The following SMC3 variants were observed in gnomAD, a reference collection of about 807,000 sequenced individuals.
SMC3 encodes the protein structural maintenance of chromosomes 3, also known as structural maintenance of chromosomes protein 3.
In SMC3, 20 loss-of-function variants were observed where a neutral mutation model predicts 171.8. The observed-to-expected ratio is 0.12, with a 90% CI of 0.08 to 0.17. SMC3 has a LOEUF of 0.17. Among genes scored for constraint, SMC3 ranks in the 10% least tolerant of loss-of-function variants. The pLI is 1.00. For missense variants in SMC3, 543 were observed against 1,420.4 expected (o/e 0.38, Z 9.93); for synonymous variants, 464 against 451.1 (o/e 1.03, Z -0.36).
At chr10:110,604,168 A>G (rs1291981873) in intron 28 of SMC3, 63 bp from the exon 29 acceptor site, 4 of 932,868 alleles carry the variant, frequency 4.3e-6, no homozygotes, top group Non-Finnish European at 7.1e-6. Flanking sequence ...GTATATATTT[A>G]CCCTATACAA....
At chr10:110,577,204 G>A (rs576290537) in intron 4 of SMC3, among the ~76,000 whole-genome samples, 7 of 152,066 alleles carry the variant, frequency 4.6e-5, no homozygotes, top group African/African-American at 1.7e-4. Flanking sequence ...TTTGGCAAGA[G>A]GGATATATAC....
chr10:110,590,909 A>G, intron 16 of SMC3, 82 bp from the exon 17 acceptor site: 1 of 1,247,486 alleles, frequency 8.0e-7, no homozygotes, highest in Non-Finnish European at 1.2e-6. Flanking sequence ...CAGGAGGCTG[A>G]GGTGGGAGGA....
At chr10:110,600,840 T>C (rs934957999) in intron 22 of SMC3, among the ~76,000 whole-genome samples, 182 bp from the exon 23 acceptor site, 1 of 152,228 alleles carries the variant, frequency 6.6e-6, no homozygotes. Flanking sequence ...GTTAGATGCT[T>C]AGAAATTTTC....
intron 1 of SMC3, 47 bp from the exon 2 acceptor site, chr10:110,568,891 A>C: frequency 9.2e-7 from 1 of 1,084,268 alleles, no homozygotes; most frequent in Non-Finnish European, 1.4e-6. Context: ...GAAAAATGTT[A>C]ATTTTTTTTG....
chr10:110,584,605 A>G (rs898456153), intron 13 of SMC3, among the ~76,000 whole-genome samples: 3 of 152,148 alleles, frequency 2.0e-5, no homozygotes, highest in African/African-American at 7.2e-5. Context: ...TATGTAGATT[A>G]AGTATATTAA....
intron 19 of SMC3, 87 bp downstream of exon 19, chr10:110,596,637 A>C: frequency 7.8e-7 from 1 of 1,276,918 alleles, no homozygotes; most frequent in Non-Finnish European, 1.1e-6. Flanking sequence ...GTTTTTTCAC[A>C]TATTAAAAAT....
chr10:110,574,022 C>T (rs1860911662), intron 3 of SMC3, among the ~76,000 whole-genome samples: 1 of 152,014 alleles, frequency 6.6e-6, no homozygotes, highest in Non-Finnish European at 1.5e-5. Flanking sequence ...GCCCTGTCTA[C>T]CTTAGATGGT....
At chr10:110,573,886 G>T in intron 3 of SMC3, 141 bp downstream of exon 3, 1 of 667,298 alleles carries the variant, frequency 1.5e-6, no homozygotes, top group South Asian at 1.7e-5. Flanking sequence ...AGTGTAGAGG[G>T]TTTAGAGTAT....
In SMC3 at chr10:110,584,069, T is replaced by G; in HGVS notation, c.1091+107T>G. On this transcript the variant is annotated intron_variant, in intron 12 of 28. Coordinates refer to ENST00000361804, the MANE Select transcript of SMC3 (RefSeq NM_005445.4). ...TAGCTGCTTTTTACACTTAATTCTT[T>G]TTGTATCTTTTTGAAAAATGGCTTT... The G allele has an allele frequency of 2.6e-6, 4 of 1,520,804 alleles. 1 individual carries two copies. Among genetic ancestry groups the G allele is most frequent in the Middle Eastern group, 1.7e-4 (1 of 5,852 alleles). The allele number at this position is 1,520,804 out of a possible 1,614,324, so 94.2% of individuals were successfully genotyped here. A position where few individuals can be genotyped will look rare whatever the true frequency, so the allele number is the denominator to read the frequency against.
In SMC3 at chr10:110,583,965, C is replaced by T; in HGVS notation, c.1091+3C>T. 1 of 1,612,570 alleles carries T rather than the reference C, an allele frequency of 6.2e-7. No homozygotes were observed. The highest frequency in any genetic ancestry group is 8.5e-7 in the Non-Finnish European group (1 of 1,179,396). ...AAAGAAGAACGAGGAATTGCTAGGT[C>T]TGAGAACTTTCACCAACACTTTAAC... On this transcript the variant is annotated splice_donor_region_variant and intron_variant, in intron 12 of 28. Coordinates refer to ENST00000361804, the MANE Select transcript of SMC3 (RefSeq NM_005445.4).
intron 13 of SMC3, 118 bp downstream of exon 13, chr10:110,584,514 C>T (rs1861078881): frequency 1.4e-6 from 1 of 704,084 alleles, no homozygotes; most frequent in Admixed American, 2.7e-5. Context: ...AAATATATGA[C>T]AGATACTTAT....
Position 110,600,610 on chromosome 10 carries a change from G to A in SMC3, c.2535+64G>A, listed in dbSNP as rs7094685. 13,035 of 840,394 alleles carry A rather than the reference G, an allele frequency of 0.016. 969 individuals carry two copies. The African/African-American group carries it at 0.18, about 11-fold the overall frequency. The allele number at this position is 840,394 out of a possible 1,614,324, so 52.1% of individuals were successfully genotyped here. A position where few individuals can be genotyped will look rare whatever the true frequency, so the allele number is the denominator to read the frequency against. On this transcript the variant is annotated intron_variant, in intron 22 of 28. Transcript: ENST00000361804. ...TGGTGGCCATGACCTATTGCAAGTG[G>A]TTATATCAGAGGCTCTGATTGAAAG...
chr10:110,599,683 C>T lies in SMC3; in HGVS notation c.2298C>T (p.Ser766=), dbSNP rs868553626. The T allele has an allele frequency of 1.2e-6, 2 of 1,613,974 alleles. No homozygotes were observed. Among genetic ancestry groups the T allele is most frequent in the Admixed American group, 1.7e-5 (1 of 60,008 alleles). ...GTAGCTTACAGAGTTTGGAGGCAAG[C>T]TTGCATGCTATGGAGTCTACCAGAG... is the stretch of plus-strand genomic sequence containing the variant. The part of the protein sequence containing the change: ...KQRSLQSLEA[S]LHAMESTRES... The change falls in exon 21 of 29, where the codon AGC becomes AGT. Residue 766 remains serine (S), a synonymous_variant. Coordinates refer to ENST00000361804, the MANE Select transcript of SMC3 (RefSeq NM_005445.4).
rs536526105 is a variant in SMC3, at chr10:110,589,667, C to T, written c.1368C>T (p.Tyr456=). The change falls in exon 14 of 29, where the codon TAC becomes TAT. Residue 456 remains tyrosine (Y), a synonymous_variant. Transcript: ENST00000361804. The part of the protein sequence containing the change: ...ARVEELDRKY[Y]EVKNKKDELQ... ...TAGAAGAACTGGACAGAAAATATTA[C>T]GAAGTAAAAAATAAGAAAGATGAAC... 26 of 1,609,306 alleles carry T rather than the reference C, an allele frequency of 1.6e-5. No homozygotes were observed. The highest frequency in any genetic ancestry group is 2.7e-5 in the African/African-American group (2 of 74,832).
intron 3 of SMC3, among the ~76,000 whole-genome samples, chr10:110,574,170 ATCTT>A (rs1260705204): frequency 6.6e-6 from 1 of 152,342 alleles, no homozygotes. Flanking sequence ...AAAATTGTTC[ATCTT>A]TCTTATTTCA....
At chr10:110,604,094 CAAAAAAA>C (rs57491050) in intron 28 of SMC3, 130 bp from the exon 29 acceptor site, 22 of 230,220 alleles carry the variant, frequency 9.6e-5, no homozygotes, top group East Asian at 6.6e-4. Context: ...GACTCCATCT[CAAAAAAA>C]AAAAAAAAAA....
Position 110,604,669 on chromosome 10 carries a change from T to G in SMC3, c.*367T>G. 1 of 247,888 alleles carries G rather than the reference T, an allele frequency of 4.0e-6. No individual in the cohort carries two copies. Among genetic ancestry groups the G allele is most frequent in the Non-Finnish European group, 7.9e-6 (1 of 126,764 alleles). 15.4% of individuals were successfully genotyped at this position (247,888 alleles called of 1,614,324 possible). A position where few individuals can be genotyped will look rare whatever the true frequency, so the allele number is the denominator to read the frequency against. On this transcript the variant is annotated 3_prime_UTR_variant, in exon 29 of 29. Coordinates refer to ENST00000361804, the MANE Select transcript of SMC3 (RefSeq NM_005445.4). The stretch of plus-strand genomic sequence containing the variant: ...TTATGTGGCTTTTCATTTGTCATAG[T>G]CTCTTCCAGTGAGAACACTAATCAG...
In SMC3 at chr10:110,595,964, A is replaced by G. The variant is rs1404138629; in HGVS notation, c.1964-434A>G. ...TAAAGACTGCAAATTTTGGCTGGGC[A>G]CAGTGGCTTGACTCTGTAATCCTAG... On this transcript the variant is annotated intron_variant, in intron 18 of 28. Transcript: ENST00000361804. Among the ~76,000 whole-genome samples, 3 of 124,006 alleles carry G rather than the reference A, an allele frequency of 2.4e-5. 1 individual carries two copies. In the South Asian group the frequency reaches 8.2e-4, roughly 34 times the overall value. The allele number at this position is 124,006 out of a possible 152,430, so 81.4% of individuals were successfully genotyped here.
Position 110,583,548 on chromosome 10 carries a change from G to A in SMC3, c.969G>A (p.Arg323=), listed in dbSNP as rs749197705. The change falls in exon 11 of 29, where the codon AGG becomes AGA. Residue 323 remains arginine, a splice_region_variant and synonymous_variant. Coordinates refer to ENST00000361804, the MANE Select transcript of SMC3 (RefSeq NM_005445.4). ...QDELAGNSEQ[R]KRLLKERQKL... is the part of the protein sequence containing the mutation. ...AACTAGCAGGCAATAGTGAACAAAG[G>A]GTAAGTTAAAATGCTAAAAATGAAA... 1.2e-6 allele frequency: 2 copies of A among 1,613,810 alleles called. No homozygotes were observed. Among genetic ancestry groups the A allele is most frequent in the Admixed American group, 3.3e-5 (2 of 60,020 alleles).
Sources: gnomAD v4.1 joint callset for allele counts (sites outside exome capture counted in the v4.1 genomes callset) on GRCh38, gnomAD v4.1.1 for gene constraint, MANE v1.5 for transcripts, NCBI Gene and HGNC (gene_info 2026-07-23, HGNC 2026-07-21) for gene names.